Variants in TMEM214 observed in about 807,000 individuals in gnomAD.
TMEM214 encodes the protein transmembrane protein 214.
A neutral mutation model predicts 89.8 loss-of-function variants in TMEM214; 71 were observed. That is an observed-to-expected ratio of 0.79 (90% confidence interval 0.65 to 0.96). The LOEUF (loss-of-function observed/expected upper bound fraction) is 0.96, where lower values mean the gene tolerates loss of function less well. TMEM214 is among the 40% of genes least tolerant of loss of function. TMEM214 has a pLI of 0.00. For synonymous variants in TMEM214, 332 were observed against 349.5 expected, an observed-to-expected ratio of 0.95 and a Z score of 0.56; for missense variants, 754 against 843.4, an observed-to-expected ratio of 0.89 and a Z score of 1.31.
In TMEM214 at chr2:27,035,988, ACCG is replaced by A. The variant is rs1489164113; in HGVS notation, c.658_660del (p.Arg220del). 1 of 1,614,022 alleles carries A rather than the reference ACCG, an allele frequency of 6.2e-7. No homozygotes were observed. Among genetic ancestry groups the A allele is most frequent in the East Asian group, 2.2e-5 (1 of 44,876 alleles). On this transcript the variant is annotated inframe_deletion, in exon 5 of 17. Coordinates refer to ENST00000238788, the MANE Select transcript of TMEM214 (RefSeq NM_017727.5). Reference sequence around the variant, plus strand: ...TCTCCAGGGGAGTCACTACATGGTTACCGCATCTGTATCCAGGCCATCCTGCAA... The same window carrying A: ...TCTCCAGGGGAGTCACTACATGGTTACATCTGTATCCAGGCCATCCTGCAA...
Position 27,040,867 on chromosome 2 carries a change from A to C in TMEM214, c.*30A>C. The C allele has an allele frequency of 6.2e-7, 1 of 1,607,174 alleles. No individual in the cohort carries two copies. The highest frequency in any genetic ancestry group is 1.7e-4 in the Middle Eastern group (1 of 6,034). On this transcript the variant is annotated 3_prime_UTR_variant, in exon 17 of 17. Coordinates refer to ENST00000238788, the MANE Select transcript of TMEM214 (RefSeq NM_017727.5). ...TGCCTTCCTGGCCACTGATTTCTGCATGGGTAGACCATCCAAGACTGCAGC... is the reference window on the plus strand; with the variant it reads ...TGCCTTCCTGGCCACTGATTTCTGCCTGGGTAGACCATCCAAGACTGCAGC...
At chr2:27,033,202 C>T in intron 1 of TMEM214, 36 bp downstream of exon 1, 1 of 1,246,200 alleles carries the variant, frequency 8.0e-7, no homozygotes, top group African/African-American at 1.5e-5. Context: ...CTACCCCAGG[C>T]CTGTCCGGCA....
At chr2:27,035,054 A>G in intron 2 of TMEM214, 81 bp from the exon 3 acceptor site, 2 of 1,555,148 alleles carry the variant, frequency 1.3e-6, no homozygotes, top group South Asian at 1.2e-5. Context: ...TAGTTCAACC[A>G]TTTTCCCACC....
At chr2:27,036,202 G>C (rs1483219343) in intron 5 of TMEM214, 150 bp downstream of exon 5, 1 of 722,614 alleles carries the variant, frequency 1.4e-6, no homozygotes, top group Non-Finnish European at 2.4e-6. Flanking sequence ...CTGTGTGTGT[G>C]CTCTGGAAAC....
chr2:27,039,258 G>A, intron 13 of TMEM214, 94 bp downstream of exon 13: 2 of 1,052,090 alleles, frequency 1.9e-6, no homozygotes. Flanking sequence ...ACACATCTTT[G>A]TCCTGACGAG....
At chr2:27,035,396 C>A in intron 3 of TMEM214, 111 bp downstream of exon 3, 2 of 1,476,602 alleles carry the variant, frequency 1.4e-6, no homozygotes. Flanking sequence ...GTGATTTGGG[C>A]TGGTCTCAAA....
intron 3 of TMEM214, 86 bp from the exon 4 acceptor site, chr2:27,035,508 C>G: frequency 6.4e-7 from 1 of 1,570,456 alleles, no homozygotes; most frequent in East Asian, 2.3e-5. Context: ...TTTGCCTCCA[C>G]TCACCATTCC....
chr2:27,040,805 G>A lies in TMEM214; in HGVS notation c.2038G>A (p.Asp680Asn), dbSNP rs538526695. ...CLQDITVAFL[D>N]WALALISQQ Reference sequence around the variant, plus strand: ...ACAGGACATTACAGTGGCTTTCTTGGACTGGGCACTTGCCCTGATATCCCA... The same window carrying A: ...ACAGGACATTACAGTGGCTTTCTTGAACTGGGCACTTGCCCTGATATCCCA... Residue 680 changes from aspartate to asparagine, a missense_variant, in exon 17 of 17, where the codon GAC (aspartate) becomes AAC (asparagine). By Grantham distance (23) the Asp-to-Asn change is conservative (BLOSUM62 1). Coordinates refer to ENST00000238788, the MANE Select transcript of TMEM214 (RefSeq NM_017727.5). The A allele has an allele frequency of 1.2e-6, 2 of 1,614,144 alleles. No individual in the cohort carries two copies. Among genetic ancestry groups the A allele is most frequent in the African/African-American group, 2.7e-5 (2 of 75,064 alleles).
intron 1 of TMEM214, among the ~76,000 whole-genome samples, chr2:27,033,589 G>A (rs866178815): frequency 2.9e-4 from 44 of 152,124 alleles, no homozygotes; most frequent in African/African-American, 1.0e-3. Context: ...GCCCAGCAGT[G>A]GGAGAAATGA....
At chr2:27,033,258 C>G in intron 1 of TMEM214, 92 bp downstream of exon 1, 1 of 1,169,032 alleles carries the variant, frequency 8.6e-7, no homozygotes, top group Non-Finnish European at 1.1e-6. Flanking sequence ...AGCTCGCAGG[C>G]ACATCCCCGA....
Position 27,038,918 on chromosome 2 carries a change from C to G in TMEM214, c.1407+103C>G. Reference sequence around the variant, plus strand: ...ACATTCCTGCCCCACCTGTCTGGAGCCCCCCGCTGCCTCCAGGATAATGTG... The same window carrying G: ...ACATTCCTGCCCCACCTGTCTGGAGGCCCCCGCTGCCTCCAGGATAATGTG... On this transcript the variant is annotated intron_variant, in intron 12 of 16. Transcript: ENST00000238788. This position sits in a 1 kb window ranked among gnomAD's most constrained non-coding sequence, Gnocchi z 4.4. 7.2e-7 allele frequency: 1 copy of G among 1,389,894 alleles called. No individual in the cohort carries two copies. The highest frequency in any genetic ancestry group is 1.2e-5 in the South Asian group (1 of 83,662). 86.1% of individuals were successfully genotyped at this position (1,389,894 alleles called of 1,614,324 possible). A position where few individuals can be genotyped will look rare whatever the true frequency, so the allele number is the denominator to read the frequency against.
rs575322388 is a variant in TMEM214, at chr2:27,037,038, G to A, written c.909-39G>A. 1.4e-5 allele frequency: 22 copies of A among 1,566,570 alleles called. No homozygotes were observed. The African/African-American group carries it at 2.6e-4, about 18-fold the overall frequency. ...GTCATGGCCAAAACAGCTGGCATGG[G>A]TGGTGGTGTCCAGCGAGCCTGTTTC... On this transcript the variant is annotated intron_variant, in intron 7 of 16. Coordinates refer to ENST00000238788, the MANE Select transcript of TMEM214 (RefSeq NM_017727.5).
Position 27,039,777 on chromosome 2 carries a change from T to G in TMEM214, c.1562T>G (p.Phe521Cys), listed in dbSNP as rs761517357. 2.5e-6 allele frequency: 4 copies of G among 1,614,204 alleles called. No individual in the cohort carries two copies. The highest frequency in any genetic ancestry group is 3.4e-6 in the Non-Finnish European group (4 of 1,180,038). The change falls in exon 14 of 17, where the codon TTC (phenylalanine) becomes TGC (cysteine). Residue 521 changes from phenylalanine (F) to cysteine (C), a missense_variant. Transcript: ENST00000238788. ...GGCCGGTTGCTTCGATCATCTGGCT[T>G]CTTACCTGCTAGCCAACAAGCGTGT... ...LTGRLLRSSG[F>C]LPASQQACAK...
intron 15 of TMEM214, 39 bp from the exon 16 acceptor site, chr2:27,040,306 C>G (rs1385058099): frequency 1.9e-6 from 3 of 1,612,584 alleles, no homozygotes; most frequent in East Asian, 2.2e-5. Flanking sequence ...GGATGCAGTT[C>G]CCTGGATACT....
chr2:27,036,708 G>T lies in TMEM214; in HGVS notation c.830G>T (p.Trp277Leu), dbSNP rs374564131. ...FANLTEGLKVWLGIMLPVLGI... is the reference protein window; with the variant it reads ...FANLTEGLKVLLGIMLPVLGI... Reference sequence around the variant, plus strand: ...CTCGTGACTTTTACCCCTGCAGTGTGGCTGGGGATCATGCTGCCTGTGCTG... The same window carrying T: ...CTCGTGACTTTTACCCCTGCAGTGTTGCTGGGGATCATGCTGCCTGTGCTG... The change falls in exon 7 of 17, where the codon TGG becomes TTG. Residue 277 changes from tryptophan (W) to leucine (L), a missense_variant. By Grantham distance (61) the Trp-to-Leu change is moderately conservative (BLOSUM62 -2). Coordinates refer to ENST00000238788, the MANE Select transcript of TMEM214 (RefSeq NM_017727.5). 2 of 1,614,194 alleles carry T rather than the reference G, an allele frequency of 1.2e-6. No homozygotes were observed. The highest frequency in any genetic ancestry group is 1.7e-6 in the Non-Finnish European group (2 of 1,180,038).
intron 3 of TMEM214, 145 bp downstream of exon 3, chr2:27,035,430 G>A (rs1464479323): frequency 2.5e-5 from 36 of 1,415,210 alleles, no homozygotes; most frequent in Middle Eastern, 2.3e-4. Context: ...GAATGTTTCT[G>A]GGCCTCATTC....
intron 9 of TMEM214, 84 bp downstream of exon 9, chr2:27,037,786 A>G (rs754484400): frequency 2.5e-6 from 4 of 1,612,948 alleles, no homozygotes; most frequent in East Asian, 2.2e-5. Flanking sequence ...CCTTGCCTTC[A>G]CAGAGCCCAT....
At chr2:27,034,373 A>G in intron 2 of TMEM214, 107 bp downstream of exon 2, 1 of 1,299,130 alleles carries the variant, frequency 7.7e-7, no homozygotes, top group Admixed American at 2.4e-5. Context: ...GGGATTTGAA[A>G]CACTTTAAGG....
Position 27,035,988 on chromosome 2 carries a change from A to C in TMEM214, c.656A>C (p.Tyr219Ser), listed in dbSNP as rs754387894. 22 of 1,614,140 alleles carry C rather than the reference A, an allele frequency of 1.4e-5. No homozygotes were observed. The South Asian group carries it at 2.2e-4, about 16-fold the overall frequency. Residue 219 changes from tyrosine (Y) to serine (S), a missense_variant, in exon 5 of 17, where the codon TAC becomes TCC. Coordinates refer to ENST00000238788, the MANE Select transcript of TMEM214 (RefSeq NM_017727.5). ...DKTPGESLHG[Y>S]RICIQAILQD... Reference sequence around the variant, plus strand: ...TCTCCAGGGGAGTCACTACATGGTTACCGCATCTGTATCCAGGCCATCCTG... The same window carrying C: ...TCTCCAGGGGAGTCACTACATGGTTCCCGCATCTGTATCCAGGCCATCCTG...
Sources: gnomAD v4.1 joint callset for allele counts (sites outside exome capture counted in the v4.1 genomes callset) on GRCh38, gnomAD v4.1.1 for gene constraint, Gnocchi (gnomAD v3.1) non-coding constraint, MANE v1.5 for transcripts, NCBI Gene and HGNC (gene_info 2026-07-23, HGNC 2026-07-21) for gene names.